TERF1: variants seen among roughly 807,000 people sequenced by gnomAD.
TERF1 encodes the protein telomeric repeat binding factor 1, also known as telomeric repeat-binding factor 1.
Under a neutral mutation model 55.1 loss-of-function variants are expected in TERF1, and 20 were observed. The observed-to-expected ratio is 0.36, with a 90% CI of 0.26 to 0.53. The LOEUF (loss-of-function observed/expected upper bound fraction) is 0.53, where lower values mean the gene tolerates loss of function less well. Among genes scored for constraint, TERF1 ranks in the 20% least tolerant of loss-of-function variants. The probability of loss-of-function intolerance (pLI) is 0.91; values close to 1 mark genes in which losing one functional copy is unlikely to be tolerated. For synonymous variants in TERF1, 168 were observed against 181.2 expected, an observed-to-expected ratio of 0.93 and a Z score of 0.59; for missense variants, 439 against 535.7, an observed-to-expected ratio of 0.82 and a Z score of 1.78.
At chr8:73,015,739 A>T (rs1012629352) in intron 2 of TERF1, among the ~76,000 whole-genome samples, 3 of 152,110 alleles carry the variant, frequency 2.0e-5, no homozygotes, top group Admixed American at 1.3e-4. Flanking sequence ...CTGAGGTAGG[A>T]TCGTTTGAGC....
intron 2 of TERF1, among the ~76,000 whole-genome samples, chr8:73,018,631 G>A (rs997157795): frequency 5.3e-5 from 8 of 152,188 alleles, no homozygotes; most frequent in East Asian, 1.9e-4. Context: ...AGCCGAGATC[G>A]CGTCACTTCA....
intron 9 of TERF1, among the ~76,000 whole-genome samples, chr8:73,041,866 C>T (rs1264531183): frequency 6.6e-6 from 1 of 152,104 alleles, no homozygotes; most frequent in Non-Finnish European, 1.5e-5. Context: ...AACTCTGAAG[C>T]TTATCCACAC....
chr8:73,009,245 G>T, intron 1 of TERF1, 40 bp downstream of exon 1: 1 of 1,573,918 alleles, frequency 6.4e-7, no homozygotes, highest in South Asian at 1.1e-5. Context: ...TACGCGGGGG[G>T]CGGATGCGGG....
intron 9 of TERF1, 86 bp from the exon 10 acceptor site, chr8:73,045,875 T>A: frequency 9.2e-7 from 1 of 1,081,928 alleles, no homozygotes; most frequent in East Asian, 2.9e-5. Context: ...AGCATTATTT[T>A]GATTTTTTAA....
chr8:73,040,034 A>G (rs902250194), intron 9 of TERF1, among the ~76,000 whole-genome samples: 8 of 149,192 alleles, frequency 5.4e-5, no homozygotes, highest in African/African-American at 2.0e-4. Context: ...GCTAATTGCA[A>G]ATAGTTCATA....
Position 73,022,311 on chromosome 8 carries a change from T to A in TERF1, c.624+9T>A. Reference sequence around the variant, plus strand: ...ATCCAAATTCTCATATGGTAATTATTTAAATTAAAACCATAGAATTTTAGA... The same window carrying A: ...ATCCAAATTCTCATATGGTAATTATATAAATTAAAACCATAGAATTTTAGA... On this transcript the variant is annotated intron_variant, in intron 4 of 9. Transcript: ENST00000276603. The A allele has an allele frequency of 6.6e-7, 1 of 1,514,682 alleles. No homozygotes were observed. The highest frequency in any genetic ancestry group is 1.2e-5 in the South Asian group (1 of 81,664). 93.8% of individuals were successfully genotyped at this position (1,514,682 alleles called of 1,614,324 possible).
At chr8:73,032,576 A>AATATATAT (rs138668441) in intron 8 of TERF1, among the ~76,000 whole-genome samples, 1 of 149,764 alleles carries the variant, frequency 6.7e-6, no homozygotes, top group Non-Finnish European at 1.5e-5. Flanking sequence ...TTTCTATATG[A>AATATATAT]ATATATATAT....
At position 73,027,035 on chromosome 8, in the gene TERF1, T is replaced by A; in HGVS notation, c.870T>A (p.Asn290Lys). 1 of 1,611,378 alleles carries A rather than the reference T, an allele frequency of 6.2e-7. No individual in the cohort carries two copies. The highest frequency in any genetic ancestry group is 8.5e-7 in the Non-Finnish European group (1 of 1,178,880). The change falls in exon 6 of 10, where the codon AAT becomes AAA. Residue 290 changes from asparagine (N) to lysine (K), a missense_variant. Asn to Lys is a moderately conservative substitution (Grantham distance 94). Transcript: ENST00000276603. The part of the protein sequence containing the change: ...GNDVEMETEA[N>K]LDTRKSVSDK... ...ATGTTGAAATGGAAACTGAAGCTAA[T>A]TTGGATACAAGAAAAAGGTTTGTAA...
intron 2 of TERF1, among the ~76,000 whole-genome samples, chr8:73,015,513 G>A (rs1282162960): frequency 1.3e-5 from 2 of 151,780 alleles, no homozygotes; most frequent in African/African-American, 4.8e-5. Context: ...ACCAGCCTAG[G>A]CAACATAGCG....
chr8:73,037,145 A>G (rs1245898712), intron 8 of TERF1, among the ~76,000 whole-genome samples: 3 of 121,922 alleles, frequency 2.5e-5, no homozygotes, highest in Non-Finnish European at 5.1e-5. Context: ...TAATTTATAT[A>G]TTATAATATA....
intron 2 of TERF1, among the ~76,000 whole-genome samples, chr8:73,014,282 C>CA (rs1808402969): frequency 6.6e-6 from 1 of 151,616 alleles, no homozygotes; most frequent in African/African-American, 2.4e-5. Context: ...CCCTAACTCT[C>CA]ATGAGTTTCA....
At chr8:73,040,205 T>C (rs1809777379) in intron 9 of TERF1, among the ~76,000 whole-genome samples, 1 of 152,120 alleles carries the variant, frequency 6.6e-6, no homozygotes, top group Non-Finnish European at 1.5e-5. Context: ...TTCCCTTTTT[T>C]AGCCTTGCCA....
intron 2 of TERF1, 90 bp downstream of exon 2, chr8:73,014,080 T>C: frequency 9.1e-7 from 1 of 1,103,162 alleles, no homozygotes; most frequent in East Asian, 2.5e-5. Context: ...TTGGGGGAAG[T>C]TTGCCTACAA....
At chr8:73,034,718 T>A (rs1193223618) in intron 8 of TERF1, among the ~76,000 whole-genome samples, 1 of 151,968 alleles carries the variant, frequency 6.6e-6, no homozygotes, top group African/African-American at 2.4e-5. Context: ...TATTAATATT[T>A]GAGTTGAAAG....
chr8:73,033,678 C>T (rs894145218), intron 8 of TERF1, among the ~76,000 whole-genome samples: 2 of 152,050 alleles, frequency 1.3e-5, no homozygotes, highest in Non-Finnish European at 2.9e-5. Flanking sequence ...GGAGGTTGCA[C>T]TCCAGCCTGT....
intron 2 of TERF1, among the ~76,000 whole-genome samples, chr8:73,018,591 G>A (rs903723504): frequency 1.1e-4 from 17 of 152,168 alleles, no homozygotes; most frequent in Admixed American, 7.2e-4. Flanking sequence ...CAGCAGAATC[G>A]CTTGAACCCA....
chr8:73,009,378 C>G (rs1453950982), intron 1 of TERF1, 173 bp downstream of exon 1: 2 of 610,986 alleles, frequency 3.3e-6, no homozygotes, highest in Non-Finnish European at 5.6e-6. Flanking sequence ...CGCCCGTTGT[C>G]AGCACCTGAG....
At chr8:73,036,542 T>C (rs1809518165) in intron 8 of TERF1, among the ~76,000 whole-genome samples, 1 of 152,016 alleles carries the variant, frequency 6.6e-6, no homozygotes, top group African/African-American at 2.4e-5. Flanking sequence ...TAACATGTTT[T>C]TATATATACA....
chr8:73,033,311 A>T (rs1195110558), intron 8 of TERF1, among the ~76,000 whole-genome samples: 1 of 152,132 alleles, frequency 6.6e-6, no homozygotes, highest in Non-Finnish European at 1.5e-5. Context: ...TATGTGCTTA[A>T]TGTTGGTGGA....
Sources: gnomAD v4.1 joint callset for allele counts (sites outside exome capture counted in the v4.1 genomes callset) on GRCh38, gnomAD v4.1.1 for gene constraint, MANE v1.5 for transcripts, NCBI Gene and HGNC (gene_info 2026-07-23, HGNC 2026-07-21) for gene names.